Variants in DPP6 observed in about 807,000 individuals in gnomAD.
DPP6 encodes the protein A-type potassium channel modulatory protein DPP6.
In DPP6, 69 loss-of-function variants were observed where a neutral mutation model predicts 122.6. That is an observed-to-expected ratio of 0.56 (90% CI 0.46 to 0.69). The LOEUF (loss-of-function observed/expected upper bound fraction) is 0.69, where lower values mean the gene tolerates loss of function less well. Ranked by LOEUF, DPP6 falls within the 30% of genes least tolerant of loss-of-function variation. DPP6 has a pLI of 0.00. For missense variants in DPP6, 928 were observed against 1,116.9 expected, an observed-to-expected ratio of 0.83 and a Z score of 2.41; for synonymous variants, 418 against 433.1, an observed-to-expected ratio of 0.97 and a Z score of 0.43.
At chr7:154,393,872 G>T (rs1036846414) in intron 1 of DPP6, among the ~76,000 whole-genome samples, 10 of 151,990 alleles carry the variant, frequency 6.6e-5, no homozygotes, top group Non-Finnish European at 1.3e-4. Flanking sequence ...CTACTCTTAA[G>T]TACCTTGTAT....
At chr7:154,488,915 T>A (rs1824034236) in intron 3 of DPP6, among the ~76,000 whole-genome samples, 1 of 152,220 alleles carries the variant, frequency 6.6e-6, no homozygotes, top group East Asian at 1.9e-4. Context: ...GATACTTTGC[T>A]ACCAGCACTG....
rs1186193354 is a variant in DPP6, at chr7:154,760,336, G to A, written c.884-9081G>A. On this transcript the variant is annotated intron_variant, in intron 8 of 25. Coordinates refer to ENST00000377770, the MANE Select transcript of DPP6 (RefSeq NM_130797.4). This position sits in a 1 kb window ranked among gnomAD's most constrained non-coding sequence, Gnocchi z 4.5. ...TCACGATTACTCATGGGCTGTGTGT[G>A]CAAATTCAGGGGGGTGGGGTGGAGG... Among the ~76,000 whole-genome samples, 1 of 152,104 alleles carries A rather than the reference G, an allele frequency of 6.6e-6. No individual in the cohort carries two copies. Among genetic ancestry groups the A allele is most frequent in the Non-Finnish European group, 1.5e-5 (1 of 68,036 alleles).
At chr7:154,803,521 T>C (rs991976935) in intron 13 of DPP6, among the ~76,000 whole-genome samples, 1 of 152,166 alleles carries the variant, frequency 6.6e-6, no homozygotes, top group Non-Finnish European at 1.5e-5. Flanking sequence ...ATTAATTAGA[T>C]TTACAAATGA....
At chr7:154,867,403 C>T (rs762582676) in intron 17 of DPP6, among the ~76,000 whole-genome samples, 33 of 152,168 alleles carry the variant, frequency 2.2e-4, no homozygotes, top group Non-Finnish European at 3.2e-4. Flanking sequence ...GTCTCTACCA[C>T]GGAGGGAGGA....
chr7:154,200,913 A>G (rs889743922), intron 1 of DPP6, among the ~76,000 whole-genome samples: 3 of 152,122 alleles, frequency 2.0e-5, no homozygotes, highest in African/African-American at 2.4e-5. Context: ...TAAGATTAGT[A>G]TAGAATCTTC....
At chr7:154,773,963 C>T (rs553060155) in intron 10 of DPP6, among the ~76,000 whole-genome samples, 3 of 152,142 alleles carry the variant, frequency 2.0e-5, no homozygotes, top group South Asian at 2.1e-4. Context: ...CACAGAAGCC[C>T]GAGGCCTCTG....
intron 6 of DPP6, among the ~76,000 whole-genome samples, chr7:154,663,267 G>A (rs200040478): frequency 9.0e-5 from 5 of 55,704 alleles, no homozygotes; most frequent in East Asian, 6.8e-4. Context: ...TGGCCGTAGT[G>A]TTCATATAGT....
intron 1 of DPP6, among the ~76,000 whole-genome samples, chr7:154,417,507 T>A (rs1469022638): frequency 6.6e-6 from 1 of 152,204 alleles, no homozygotes; most frequent in Non-Finnish European, 1.5e-5. Context: ...TGAGGTGGGC[T>A]AGGCCCTGAC....
chr7:154,774,699 A>G (rs6943853), intron 10 of DPP6, among the ~76,000 whole-genome samples: 110,038 of 152,182 alleles, frequency 0.72, 39,851 homozygotes, highest in South Asian at 0.76. Context: ...TTAAAAGTCC[A>G]CACAGATATA....
intron 1 of DPP6, among the ~76,000 whole-genome samples, chr7:154,411,207 C>T (rs753123644): frequency 9.9e-5 from 15 of 152,200 alleles, no homozygotes; most frequent in Non-Finnish European, 2.1e-4. Flanking sequence ...TTTCGTAACT[C>T]TCATTGCATT....
In DPP6 at chr7:154,892,914, A is replaced by C; in HGVS notation, c.*434A>C. On this transcript the variant is annotated 3_prime_UTR_variant, in exon 26 of 26. Transcript: ENST00000377770. ...ACACCCTGTCTCACGTCGCAGTGCC[A>C]TGGACGCAGCAGTTACAGCACCATT... 1 of 523,780 alleles carries C rather than the reference A, an allele frequency of 1.9e-6. No individual in the cohort carries two copies. Among genetic ancestry groups the C allele is most frequent in the Non-Finnish European group, 3.8e-6 (1 of 263,240 alleles). 32.4% of individuals were successfully genotyped at this position (523,780 alleles called of 1,614,324 possible).
At chr7:154,655,281 T>C (rs1837164934) in intron 6 of DPP6, among the ~76,000 whole-genome samples, 1 of 152,210 alleles carries the variant, frequency 6.6e-6, no homozygotes, top group African/African-American at 2.4e-5. Flanking sequence ...GATAAATGAG[T>C]AAACTTCGCT....
At chr7:153,785,298 A>G in the DPP6 span, among the ~76,000 whole-genome samples, 7 of 152,244 alleles carry the variant, frequency 4.6e-5, no homozygotes, top group South Asian at 8.3e-4. Flanking sequence ...TATTTTGTCT[A>G]TCGCTAGACT....
chr7:154,873,966 A>AT (rs1554492550), intron 19 of DPP6, among the ~76,000 whole-genome samples: 1 of 106,706 alleles, frequency 9.4e-6, no homozygotes, highest in Non-Finnish European at 2.0e-5. Context: ...ACGCACCTGC[A>AT]TACATAAGCA....
intron 1 of DPP6, among the ~76,000 whole-genome samples, chr7:154,173,715 G>A (rs1459615164): frequency 6.6e-6 from 1 of 152,200 alleles, no homozygotes; most frequent in Non-Finnish European, 1.5e-5. Context: ...GAAGGGGACA[G>A]ACACGGGATT....
At chr7:154,501,032 T>A (rs1825193580) in intron 3 of DPP6, among the ~76,000 whole-genome samples, 1 of 152,174 alleles carries the variant, frequency 6.6e-6, no homozygotes, top group South Asian at 2.1e-4. Context: ...CAAAGATGAC[T>A]TTTGTTATGT....
intron 3 of DPP6, among the ~76,000 whole-genome samples, chr7:154,535,650 T>C (rs1447735382): frequency 6.6e-6 from 1 of 150,694 alleles, no homozygotes; most frequent in Non-Finnish European, 1.5e-5. Flanking sequence ...CAAAGACTCA[T>C]ATCCAGAATG....
chr7:153,770,266 C>G, the DPP6 span, among the ~76,000 whole-genome samples: 1 of 152,144 alleles, frequency 6.6e-6, no homozygotes, highest in Non-Finnish European at 1.5e-5. Flanking sequence ...CCCAGAGAAT[C>G]AGCAGTAATA....
chr7:154,087,513 G>A (rs570413678), intron 1 of DPP6, among the ~76,000 whole-genome samples: 16 of 152,224 alleles, frequency 1.1e-4, no homozygotes, highest in Non-Finnish European at 1.9e-4. Flanking sequence ...AGAATTAGCC[G>A]CAGGCCAGGG....
Sources: gnomAD v4.1 joint callset for allele counts (sites outside exome capture counted in the v4.1 genomes callset) on GRCh38, gnomAD v4.1.1 for gene constraint, Gnocchi (gnomAD v3.1) non-coding constraint, MANE v1.5 for transcripts, NCBI Gene and HGNC (gene_info 2026-07-23, HGNC 2026-07-21) for gene names.